The following PDE1A variants were observed in gnomAD, a reference collection of about 807,000 sequenced individuals.
PDE1A encodes the protein dual specificity calcium/calmodulin-dependent 3',5'-cyclic nucleotide phosphodiesterase 1A.
A neutral mutation model predicts 61.7 loss-of-function variants in PDE1A; 35 were observed. That is an observed-to-expected ratio of 0.57 (90% CI 0.43 to 0.75). The LOEUF is 0.75. PDE1A is among the 30% of genes least tolerant of loss of function. PDE1A has a pLI of 0.00. For missense variants in PDE1A, 597 were observed against 630.6 expected (o/e 0.95, Z 0.57); for synonymous variants, 232 against 213.2 (o/e 1.09, Z -0.77).
rs116123030 is a variant in PDE1A at position 182,298,710 on chromosome 2, C to T, written c.54-34296G>A. 9.9e-3 allele frequency among the ~76,000 whole-genome samples: 1,499 copies of T among 152,096 alleles called. 27 individuals are homozygous for T. Among genetic ancestry groups the T allele is most frequent in the African/African-American group, 0.034 (1,412 of 41,502 alleles). On this transcript the variant is annotated intron_variant, in intron 1 of 13. Transcript: ENST00000351439. ...ATTAGGGTTAAGTCTCAGCATGACC[C>T]AGCTGGAGAAACAGTCCCTTCTATA...
chr2:182,627,405 T>C, the PDE1A span, among the ~76,000 whole-genome samples: 1 of 114,138 alleles, frequency 8.8e-6, no homozygotes, highest in Non-Finnish European at 1.7e-5. Flanking sequence ...ATATTATATT[T>C]AATATAAATA....
At chr2:182,498,816 C>T (rs1323851796) in intron 2 of PDE1A, among the ~76,000 whole-genome samples, 1 of 151,794 alleles carries the variant, frequency 6.6e-6, no homozygotes, top group East Asian at 2.0e-4. Flanking sequence ...CGGTGGCGGG[C>T]GCCTGTAGTC....
chr2:182,168,275 GA>G lies in PDE1A; in HGVS notation c.1531del (p.Ser511HisfsTer13). On this transcript the variant is annotated frameshift_variant, in exon 14 of 14. Transcript: ENST00000351439. LOFTEE classifies it high-confidence loss of function. ...CTGATGAATAAACTCACACTTCTGT[GA>G]ACTGGTTCTTGCTTCTGAAAAAAAA... 6.3e-7 allele frequency: 1 copy of G among 1,591,564 alleles called. No homozygotes were observed.
At chr2:182,637,585 A>G in the PDE1A span, among the ~76,000 whole-genome samples, 4 of 152,210 alleles carry the variant, frequency 2.6e-5, no homozygotes, top group Non-Finnish European at 5.9e-5. Context: ...ATCTCAGCAT[A>G]GGAGCCTGAA....
the PDE1A span, among the ~76,000 whole-genome samples, chr2:182,637,577 C>A: frequency 1.3e-5 from 2 of 152,100 alleles, no homozygotes; most frequent in African/African-American, 4.8e-5. Flanking sequence ...AGGTTAGAAT[C>A]TCAGCATAGG....
exon 5 of PDE1A, chr2:182,231,043 G>T: frequency 6.3e-7 from 1 of 1,595,742 alleles, no homozygotes. Flanking sequence ...ATCATATCTG[G>T]TAAACAGTTC....
intron 10 of PDE1A, among the ~76,000 whole-genome samples, chr2:182,198,415 A>AGAG (rs1686320010): frequency 6.6e-6 from 1 of 151,868 alleles, no homozygotes; most frequent in Middle Eastern, 3.2e-3. Flanking sequence ...AGAAGTGGTA[A>AGAG]GAGTACCTAT....
In PDE1A at chr2:182,364,709, T is replaced by G. The variant is rs73975014; in HGVS notation, c.53+61869A>C. Among the ~76,000 whole-genome samples the G allele has an allele frequency of 6.2e-3, 942 of 151,904 alleles. 9 individuals are homozygous for G. Among genetic ancestry groups the G allele is most frequent in the African/African-American group, 0.021 (884 of 41,494 alleles). On this transcript the variant is annotated intron_variant, in intron 1 of 13. Transcript: ENST00000351439. ...CTTCCTGATGGAGAACTTTTAAGAT[T>G]TTATAATTTTTAAAAAAAATAGCAT...
chr2:182,496,992 T>C (rs886154936), intron 2 of PDE1A, among the ~76,000 whole-genome samples: 1 of 152,236 alleles, frequency 6.6e-6, no homozygotes, highest in African/African-American at 2.4e-5. Context: ...TATTTTGGCT[T>C]CCTTATATGA....
At chr2:182,515,421 A>G (rs1396611875) in intron 2 of PDE1A, among the ~76,000 whole-genome samples, 1 of 152,224 alleles carries the variant, frequency 6.6e-6, no homozygotes, top group Non-Finnish European at 1.5e-5. Context: ...TAAATTAATA[A>G]CTTTTCCATG....
exon 6 of PDE1A, chr2:182,230,019 T>G (rs1484329542): frequency 6.2e-7 from 1 of 1,612,130 alleles, no homozygotes; most frequent in Admixed American, 1.7e-5. Context: ...GATACCTGTA[T>G]GAAGCATTAT....
rs555275108 is a variant in PDE1A at position 182,455,393 on chromosome 2, C to A, written c.101+66883G>T. On this transcript the variant is annotated intron_variant, in intron 2 of 14. Coordinates refer to the PDE1A transcript ENST00000410103. ...AACTAGAAATACCATTTGACCCAGCCATCCCATTACTGGGTATATATCCAA... is the reference window on the plus strand; with the variant it reads ...AACTAGAAATACCATTTGACCCAGCAATCCCATTACTGGGTATATATCCAA... Among the ~76,000 whole-genome samples, 339 of 152,024 alleles carry A rather than the reference C, an allele frequency of 2.2e-3. 2 individuals are homozygous for A. The highest frequency in any genetic ancestry group is 7.7e-3 in the African/African-American group (319 of 41,530).
At chr2:182,330,459 T>C (rs1232365906) in intron 1 of PDE1A, among the ~76,000 whole-genome samples, 1 of 152,122 alleles carries the variant, frequency 6.6e-6, no homozygotes, top group African/African-American at 2.4e-5. Context: ...CTATCTTACT[T>C]TATCACTCTC....
downstream of PDE1A, among the ~76,000 whole-genome samples, chr2:182,164,316 T>C (rs1691538941): frequency 6.6e-6 from 1 of 152,062 alleles, no homozygotes; most frequent in South Asian, 2.1e-4. Context: ...CTACAATCAG[T>C]TGACAGAGGA....
chr2:182,521,330 T>G (rs1421283480), intron 2 of PDE1A, among the ~76,000 whole-genome samples: 2 of 152,038 alleles, frequency 1.3e-5, no homozygotes, highest in African/African-American at 4.8e-5. Context: ...TTTTGCATAG[T>G]GTAGGATTCT....
the PDE1A span, among the ~76,000 whole-genome samples, chr2:182,575,587 C>G: frequency 6.6e-6 from 1 of 151,182 alleles, no homozygotes; most frequent in African/African-American, 2.4e-5. Flanking sequence ...CACTTCTGCC[C>G]TTTGATTCCT....
intron 2 of PDE1A, among the ~76,000 whole-genome samples, chr2:182,501,430 C>A (rs546301544): frequency 6.6e-6 from 1 of 152,246 alleles, no homozygotes; most frequent in South Asian, 2.1e-4. Flanking sequence ...GGAAAAGCAT[C>A]CTAAAAATTA....
chr2:182,570,536 T>C, the PDE1A span, among the ~76,000 whole-genome samples: 2 of 152,332 alleles, frequency 1.3e-5, no homozygotes, highest in East Asian at 3.9e-4. Flanking sequence ...AAGCCCTCAG[T>C]AGCATTGTCA....
At chr2:182,437,096 G>C (rs774182850) in intron 2 of PDE1A, among the ~76,000 whole-genome samples, 1 of 151,918 alleles carries the variant, frequency 6.6e-6, no homozygotes, top group African/African-American at 2.4e-5. Flanking sequence ...ATGAAAAGCA[G>C]AAGACTGAAT....
Sources: allele counts gnomAD v4.1 joint callset (sites outside exome capture counted in the v4.1 genomes callset), GRCh38; gene constraint gnomAD v4.1.1; transcripts MANE v1.5; gene names NCBI Gene and HGNC (gene_info 2026-07-23, HGNC 2026-07-21).